Variants in GRIK2 observed in about 807,000 individuals in gnomAD.
GRIK2 encodes the protein glutamate ionotropic receptor kainate type subunit 2.
Under a neutral mutation model 100.3 loss-of-function variants are expected in GRIK2, and 32 were observed. That is an observed-to-expected ratio of 0.32 (90% CI 0.24 to 0.43). The LOEUF is 0.43. GRIK2 is among the 20% of genes least tolerant of loss of function. The pLI is 1.00. For missense variants in GRIK2, 843 were observed against 1,114.9 expected (o/e 0.76, Z 3.47); for synonymous variants, 417 against 389.4 (o/e 1.07, Z -0.83).
chr6:101,777,976 T>C (rs1778855407), intron 7 of GRIK2, among the ~76,000 whole-genome samples: 1 of 152,202 alleles, frequency 6.6e-6, no homozygotes, highest in Non-Finnish European at 1.5e-5. Context: ...CAAAGTGTGA[T>C]TGTTATTCAG....
intron 14 of GRIK2, among the ~76,000 whole-genome samples, chr6:101,963,509 C>CTT (rs770178884): frequency 0.061 from 6,418 of 105,992 alleles, 713 homozygotes; most frequent in African/African-American, 0.22. Context: ...TTCTTTCTTT[C>CTT]TTTTTTTTTT....
At chr6:101,401,399 C>T (rs1316956107) in intron 2 of GRIK2, among the ~76,000 whole-genome samples, 2 of 152,136 alleles carry the variant, frequency 1.3e-5, no homozygotes, top group Non-Finnish European at 1.5e-5. Context: ...CACACACGCA[C>T]ACACATACAC....
chr6:102,052,693 AAAAT>A (rs1259425627), intron 15 of GRIK2, among the ~76,000 whole-genome samples: 9 of 152,262 alleles, frequency 5.9e-5, no homozygotes, highest in African/African-American at 2.2e-4. Flanking sequence ...GAGCTCTCAC[AAAAT>A]AAATACTTAA....
chr6:101,900,580 A>G (rs1787781568), intron 12 of GRIK2, among the ~76,000 whole-genome samples: 1 of 152,156 alleles, frequency 6.6e-6, no homozygotes, highest in Non-Finnish European at 1.5e-5. Flanking sequence ...GCATATATAT[A>G]ATTTTAAAAT....
intron 4 of GRIK2, among the ~76,000 whole-genome samples, chr6:101,671,549 T>C (rs1770433835): frequency 6.6e-6 from 1 of 151,992 alleles, no homozygotes; most frequent in Admixed American, 6.6e-5. Flanking sequence ...CCACTGCACA[T>C]GTGTGAGAGA....
chr6:101,530,849 G>T (rs528216033), intron 2 of GRIK2, among the ~76,000 whole-genome samples: 1 of 151,902 alleles, frequency 6.6e-6, no homozygotes, highest in African/African-American at 2.4e-5. Flanking sequence ...AAGTTTTTTT[G>T]GAGGGAGAAT....
intron 7 of GRIK2, among the ~76,000 whole-genome samples, chr6:101,730,008 T>A (rs1775148561): frequency 2.0e-5 from 3 of 152,032 alleles, no homozygotes; most frequent in African/African-American, 4.8e-5. Flanking sequence ...TGGCCTTAGG[T>A]TTTTTAGATC....
chr6:102,020,355 A>G (rs907161304), intron 14 of GRIK2, among the ~76,000 whole-genome samples: 1 of 151,914 alleles, frequency 6.6e-6, no homozygotes, highest in African/African-American at 2.4e-5. Context: ...GGGAAGAGAT[A>G]TTGGGATCAA....
intron 2 of GRIK2, among the ~76,000 whole-genome samples, chr6:101,572,873 G>C (rs1166898323): frequency 4.1e-5 from 6 of 146,482 alleles, no homozygotes; most frequent in African/African-American, 1.5e-4. Flanking sequence ...GACAGAGTCT[G>C]TCTCCGTCAT....
intron 2 of GRIK2, among the ~76,000 whole-genome samples, chr6:101,498,592 T>C (rs1308874622): frequency 1.3e-5 from 2 of 151,168 alleles, no homozygotes; most frequent in East Asian, 3.9e-4. Flanking sequence ...TCATTGTGGT[T>C]TTGATTTGCA....
intron 7 of GRIK2, among the ~76,000 whole-genome samples, chr6:101,703,754 C>T (rs1773060490): frequency 1.3e-5 from 2 of 151,010 alleles, no homozygotes; most frequent in Non-Finnish European, 3.0e-5. Flanking sequence ...AGTGAAGATA[C>T]TTGCAAAGCT....
intron 2 of GRIK2, among the ~76,000 whole-genome samples, chr6:101,599,166 T>A (rs1667726775): frequency 6.6e-6 from 1 of 151,802 alleles, no homozygotes; most frequent in South Asian, 2.1e-4. Flanking sequence ...TGAAAATATG[T>A]GGTATTGGGT....
intron 7 of GRIK2, among the ~76,000 whole-genome samples, chr6:101,783,294 A>G (rs1446901309): frequency 6.6e-6 from 1 of 151,522 alleles, no homozygotes; most frequent in Non-Finnish European, 1.5e-5. Flanking sequence ...ATGATTTTCA[A>G]AGTGACAGTT....
At chr6:101,707,618 A>ATATATATATATC (rs1773426783) in intron 7 of GRIK2, among the ~76,000 whole-genome samples, 1 of 144,590 alleles carries the variant, frequency 6.9e-6, no homozygotes, top group Non-Finnish European at 1.5e-5. Flanking sequence ...ATATATATAT[A>ATATATATATATC]TATATATATG....
chr6:102,018,759 C>T (rs1351702705), intron 14 of GRIK2, among the ~76,000 whole-genome samples: 1 of 151,986 alleles, frequency 6.6e-6, no homozygotes, highest in East Asian at 1.9e-4. Context: ...TACCTTTTTA[C>T]TTGGTAAGAC....
At chr6:101,946,288 T>A (rs1791272173) in intron 14 of GRIK2, among the ~76,000 whole-genome samples, 1 of 152,096 alleles carries the variant, frequency 6.6e-6, no homozygotes, top group African/African-American at 2.4e-5. Context: ...CATACCTATA[T>A]CTGTAATGAA....
At chr6:101,806,545 T>C (rs1170620487) in intron 9 of GRIK2, among the ~76,000 whole-genome samples, 1 of 151,918 alleles carries the variant, frequency 6.6e-6, no homozygotes, top group Non-Finnish European at 1.5e-5. Context: ...TCATTGTGTT[T>C]TGAATAAAAT....
chr6:102,048,696 G>A (rs1771024558), intron 15 of GRIK2, among the ~76,000 whole-genome samples: 1 of 152,014 alleles, frequency 6.6e-6, no homozygotes, highest in South Asian at 2.1e-4. Flanking sequence ...AAGACATAAT[G>A]TATTGGAGTA....
intron 4 of GRIK2, among the ~76,000 whole-genome samples, chr6:101,634,829 A>G (rs888653700): frequency 5.3e-5 from 8 of 152,022 alleles, no homozygotes; most frequent in Non-Finnish European, 7.4e-5. Context: ...TTAAGCAAAA[A>G]CACAAACACT....
Sources: gnomAD v4.1 joint callset for allele counts (sites outside exome capture counted in the v4.1 genomes callset) on GRCh38, gnomAD v4.1.1 for gene constraint, MANE v1.5 for transcripts, NCBI Gene and HGNC (gene_info 2026-07-23, HGNC 2026-07-21) for gene names.